Variants in PCDH15 observed in about 807,000 individuals in gnomAD.
PCDH15 encodes protocadherin-15.
PCDH15 carries 129 observed loss-of-function variants against 178.5 expected under a neutral mutation model. The ratio of observed to expected loss-of-function variants is 0.72; its 90% CI spans 0.63 to 0.84. PCDH15 has a LOEUF of 0.84. PCDH15 is among the 40% of genes least tolerant of loss of function. PCDH15 has a pLI of 0.00. For synonymous variants in PCDH15, 800 were observed against 732.0 expected, an observed-to-expected ratio of 1.09 and a Z score of -1.50; for missense variants, 2,230 against 2,099.9, an observed-to-expected ratio of 1.06 and a Z score of -1.21.
chr10:54,271,907 ATC>A (rs1480281323), intron 8 of PCDH15, among the ~76,000 whole-genome samples: 1 of 150,400 alleles, frequency 6.6e-6, no homozygotes, highest in Non-Finnish European at 1.5e-5. Flanking sequence ...CCACCACATC[ATC>A]TGTTTGTCAT....
intron 1 of PCDH15, among the ~76,000 whole-genome samples, chr10:55,222,177 T>A (rs1840896583): frequency 6.6e-6 from 1 of 151,886 alleles, no homozygotes; most frequent in Admixed American, 6.6e-5. Flanking sequence ...GCCCAGCCTA[T>A]ATAATTTAAT....
chr10:54,768,286 C>A (rs939829260), intron 1 of PCDH15, among the ~76,000 whole-genome samples: 1 of 152,076 alleles, frequency 6.6e-6, no homozygotes, highest in African/African-American at 2.4e-5. Flanking sequence ...TTAGATAAGT[C>A]ATTTAAGCCT....
At chr10:55,132,659 A>G (rs2132079146) in intron 2 of PCDH15, among the ~76,000 whole-genome samples, 1 of 152,368 alleles carries the variant, frequency 6.6e-6, no homozygotes, top group East Asian at 1.9e-4. Context: ...ACATGGAAAT[A>G]CAAATCCAAG....
chr10:55,603,186 G>A, intron 2 of PCDH15, among the ~76,000 whole-genome samples: 1 of 152,018 alleles, frequency 6.6e-6, no homozygotes, highest in Non-Finnish European at 1.5e-5. Flanking sequence ...GAAGTTTAGA[G>A]AAAAAAGAAT....
intron 2 of PCDH15, among the ~76,000 whole-genome samples, chr10:55,038,917 A>G (rs1161030386): frequency 6.6e-6 from 1 of 152,204 alleles, no homozygotes; most frequent in Non-Finnish European, 1.5e-5. Context: ...GTAAAAAAAG[A>G]ATAGTTTATT....
At chr10:54,193,003 T>G (rs2049187453) in intron 11 of PCDH15, among the ~76,000 whole-genome samples, 1 of 152,194 alleles carries the variant, frequency 6.6e-6, no homozygotes, top group Admixed American at 6.5e-5. Flanking sequence ...AGCTATTACA[T>G]GACAGAACCA....
At chr10:54,564,840 A>G (rs1486173911) in intron 2 of PCDH15, among the ~76,000 whole-genome samples, 1 of 152,070 alleles carries the variant, frequency 6.6e-6, no homozygotes, top group Non-Finnish European at 1.5e-5. Context: ...TCAAAAAATT[A>G]CTCTACAAAT....
At chr10:55,241,870 T>C (rs1360191561) in intron 1 of PCDH15, among the ~76,000 whole-genome samples, 1 of 152,218 alleles carries the variant, frequency 6.6e-6, no homozygotes, top group Non-Finnish European at 1.5e-5. Context: ...ATAGTATTCA[T>C]TAGAAACCCT....
chr10:55,358,840 T>C (rs1248583576), intron 2 of PCDH15, among the ~76,000 whole-genome samples: 2 of 152,074 alleles, frequency 1.3e-5, no homozygotes, highest in Non-Finnish European at 2.9e-5. Context: ...TAGTTCCAAT[T>C]TACTTTGTGT....
rs1347306483 is a variant in PCDH15 at position 54,099,513 on chromosome 10, A to AAAAAAAAT, written c.1918-9451_1918-9450insATTTTTTT. On this transcript the variant is annotated intron_variant, in intron 15 of 37. Transcript: ENST00000644397. ...GACTCCATCTCAAAAAAAAAAAAAAAATATATATATATATATATAAAACAA... is the reference window on the plus strand; with the variant it reads ...GACTCCATCTCAAAAAAAAAAAAAAAAAAAAAATATATATATATATATATATAAAACAA... Among the ~76,000 whole-genome samples, 1,014 of 117,414 alleles carry AAAAAAAAT rather than the reference A, an allele frequency of 8.6e-3. 9 individuals are homozygous for AAAAAAAAT. The highest frequency in any genetic ancestry group is 0.018 in the African/African-American group (460 of 25,998). 77.0% of individuals were successfully genotyped at this position (117,414 alleles called of 152,430 possible).
intron 32 of PCDH15, chr10:53,825,149 T>TCCACAGGTGAGAAA: frequency 6.5e-7 from 1 of 1,539,286 alleles, no homozygotes; most frequent in Non-Finnish European, 8.8e-7. Context: ...TGCCTATGTA[T>TCCACAGGTGAGAAA]CCACAGGTGA....
chr10:53,897,675 A>AT (rs2082045219), intron 26 of PCDH15, among the ~76,000 whole-genome samples: 1 of 152,130 alleles, frequency 6.6e-6, no homozygotes, highest in Admixed American at 6.5e-5. Flanking sequence ...AGTAGCCATT[A>AT]AACAACAGCT....
chr10:55,499,493 T>C (rs1345070665), intron 2 of PCDH15, among the ~76,000 whole-genome samples: 1 of 151,448 alleles, frequency 6.6e-6, no homozygotes, highest in African/African-American at 2.4e-5. Flanking sequence ...TTATTCTAGG[T>C]TTCTTATTCT....
chr10:54,525,141 A>T (rs2083253977), intron 3 of PCDH15, among the ~76,000 whole-genome samples: 1 of 152,260 alleles, frequency 6.6e-6, no homozygotes, highest in African/African-American at 2.4e-5. Flanking sequence ...TTACATAAAC[A>T]ATTAGCTATA....
rs1471583488 is a variant in PCDH15 at position 54,724,412 on chromosome 10, T to A, written c.-28-60122A>T. 2.6e-5 allele frequency among the ~76,000 whole-genome samples: 4 copies of A among 151,464 alleles called. No homozygotes were observed. In the East Asian group the frequency reaches 7.8e-4, roughly 29 times the overall value. ...GTAGAAAAAGTTTGAGGGTTGAAAA[T>A]TACCTATTGGTTACAAAGCTCACTA... On this transcript the variant is annotated intron_variant, in intron 1 of 37. Coordinates refer to ENST00000644397, the MANE Select transcript of PCDH15 (RefSeq NM_001384140.1).
intron 3 of PCDH15, among the ~76,000 whole-genome samples, chr10:54,407,827 G>A (rs1415121671): frequency 6.6e-6 from 1 of 152,056 alleles, no homozygotes; most frequent in African/African-American, 2.4e-5. Flanking sequence ...AGGATAAGGC[G>A]GGTGGATCAC....
In PCDH15 at chr10:53,827,419, G is replaced by A. The variant is rs2076751499; in HGVS notation, c.4341C>T (p.Leu1447=). Residue 1447 remains leucine (L), a synonymous_variant, in exon 32 of 38, where the codon CTC becomes CTT. Coordinates refer to ENST00000644397, the MANE Select transcript of PCDH15 (RefSeq NM_001384140.1). ...TTGAGCTGTCTCCAAGTTCTTCATA[G>A]AGATGCGCACCTGGCGGAGGCGGCG... ...PPPPPPPGAH[L]YEELGDSSIW... 2 of 1,613,006 alleles carry A rather than the reference G, an allele frequency of 1.2e-6. No homozygotes were observed. Among genetic ancestry groups the A allele is most frequent in the Non-Finnish European group, 1.7e-6 (2 of 1,179,302 alleles).
intron 2 of PCDH15, among the ~76,000 whole-genome samples, chr10:55,145,589 G>A (rs1318484639): frequency 1.3e-5 from 2 of 151,920 alleles, no homozygotes; most frequent in Non-Finnish European, 2.9e-5. Flanking sequence ...TATCTTTGCT[G>A]AGAGAAAATC....
At chr10:54,899,458 TTCCCC>T (rs537010108) in intron 2 of PCDH15, among the ~76,000 whole-genome samples, 9 of 135,302 alleles carry the variant, frequency 6.7e-5, no homozygotes, top group African/African-American at 8.1e-5. Flanking sequence ...TTAAAGATAA[TTCCCC>T]TCCCCTCCCC....
Sources: gnomAD v4.1 joint callset for allele counts (sites outside exome capture counted in the v4.1 genomes callset) on GRCh38, gnomAD v4.1.1 for gene constraint, MANE v1.5 for transcripts, NCBI Gene and HGNC (gene_info 2026-07-23, HGNC 2026-07-21) for gene names.